TRAPPC9: variants seen among roughly 807,000 people sequenced by gnomAD.
The protein encoded by TRAPPC9 is trafficking protein particle complex subunit 9.
In TRAPPC9, 83 loss-of-function variants were observed where a neutral mutation model predicts 124.0. The observed-to-expected ratio is 0.67, with a 90% CI of 0.56 to 0.80. The LOEUF (loss-of-function observed/expected upper bound fraction) is 0.80. Ranked by LOEUF, TRAPPC9 falls within the 30% of genes least tolerant of loss-of-function variation. The pLI, the probability that TRAPPC9 is intolerant of heterozygous loss-of-function variation, is 0.00. For missense variants in TRAPPC9, 1,302 were observed against 1,508.3 expected (o/e 0.86, Z 2.27); for synonymous variants, 638 against 617.5 (o/e 1.03, Z -0.49).
chr8:140,458,569 C>A, upstream of TRAPPC9: 2 of 1,568,002 alleles, frequency 1.3e-6, no homozygotes, highest in Non-Finnish European at 1.7e-6. Flanking sequence ...CACCATGGCA[C>A]TCCCGACTTT....
intron 9 of TRAPPC9, among the ~76,000 whole-genome samples, chr8:140,344,461 G>A (rs2067279398): frequency 6.6e-6 from 1 of 152,188 alleles, no homozygotes. Flanking sequence ...CTGTCACACA[G>A]TGCTCCAAGC....
At chr8:140,101,888 T>C (rs2060587906) in intron 17 of TRAPPC9, among the ~76,000 whole-genome samples, 1 of 151,768 alleles carries the variant, frequency 6.6e-6, no homozygotes, top group African/African-American at 2.4e-5. Context: ...TTCTTTTTGG[T>C]AAATTTTGCA....
chr8:140,422,939 A>G (rs1283889530), intron 5 of TRAPPC9, among the ~76,000 whole-genome samples: 1 of 152,198 alleles, frequency 6.6e-6, no homozygotes, highest in East Asian at 1.9e-4. Context: ...ATGAGACACC[A>G]GGTCACATCC....
intron 21 of TRAPPC9, among the ~76,000 whole-genome samples, chr8:139,820,974 T>A (rs913085240): frequency 1.1e-4 from 16 of 152,224 alleles, no homozygotes; most frequent in African/African-American, 3.6e-4. Context: ...ATATACTGGA[T>A]TGCAGAAAAA....
chr8:140,324,002 G>C (rs963227429), intron 9 of TRAPPC9, among the ~76,000 whole-genome samples: 2 of 152,000 alleles, frequency 1.3e-5, no homozygotes, highest in Admixed American at 1.3e-4. Flanking sequence ...TTACCCTAGC[G>C]ATATACGCTG....
chr8:139,777,173 A>G (rs1051840142), intron 21 of TRAPPC9, among the ~76,000 whole-genome samples: 2 of 152,312 alleles, frequency 1.3e-5, no homozygotes, highest in Admixed American at 6.5e-5. Context: ...CCCCTTTCCT[A>G]TGGATTTCCA....
chr8:139,886,177 A>G (rs1830003790), intron 20 of TRAPPC9, among the ~76,000 whole-genome samples: 1 of 152,170 alleles, frequency 6.6e-6, no homozygotes, highest in Non-Finnish European at 1.5e-5. Flanking sequence ...TTGTCCTCCT[A>G]CCCCTCAAAT....
At chr8:140,049,494 T>A (rs534751783) in intron 17 of TRAPPC9, among the ~76,000 whole-genome samples, 2 of 152,052 alleles carry the variant, frequency 1.3e-5, no homozygotes, top group East Asian at 3.9e-4. Context: ...CGGCCCTCGG[T>A]GATGTGTTCT....
intron 21 of TRAPPC9, among the ~76,000 whole-genome samples, chr8:139,876,007 T>G (rs1829294438): frequency 6.6e-6 from 1 of 152,254 alleles, no homozygotes; most frequent in African/African-American, 2.4e-5. Flanking sequence ...ACTGTCCGGC[T>G]AGTGGGAGCC....
intron 17 of TRAPPC9, among the ~76,000 whole-genome samples, chr8:140,156,319 T>C (rs1028502631): frequency 6.6e-6 from 1 of 152,204 alleles, no homozygotes; most frequent in Non-Finnish European, 1.5e-5. Context: ...GTAACTTCAG[T>C]GCAATCATTT....
At chr8:140,150,376 G>C (rs1392817447) in intron 17 of TRAPPC9, among the ~76,000 whole-genome samples, 4 of 152,176 alleles carry the variant, frequency 2.6e-5, no homozygotes, top group Non-Finnish European at 4.4e-5. Context: ...TTGAACCCAG[G>C]AGGTAGAGGC....
intron 7 of TRAPPC9, among the ~76,000 whole-genome samples, chr8:140,383,715 T>G (rs1225414081): frequency 6.6e-6 from 1 of 152,050 alleles, no homozygotes; most frequent in Non-Finnish European, 1.5e-5. Flanking sequence ...ACAGGGAGAA[T>G]GGAACCAAGT....
At chr8:140,238,965 G>A (rs778431217) in intron 16 of TRAPPC9, among the ~76,000 whole-genome samples, 1 of 152,184 alleles carries the variant, frequency 6.6e-6, no homozygotes, top group Non-Finnish European at 1.5e-5. Flanking sequence ...CCAAGGCTAG[G>A]GTGGGCTGGC....
rs1251515729 is a variant in TRAPPC9 at position 139,755,607 on chromosome 8, C to T, written c.3056-23405G>A. On this transcript the variant is annotated intron_variant, in intron 21 of 22. Transcript: ENST00000438773. ...AAGGACAGCAGGTCGCAGGAGGAGC[C>T]AGGGTTGGGGTATAAGGACAGCAGG... Among the ~76,000 whole-genome samples the T allele has an allele frequency of 3.6e-4, 41 of 114,014 alleles. 2 individuals are homozygous for T. The highest frequency in any genetic ancestry group is 4.8e-4 in the African/African-American group (13 of 26,890). The allele number at this position is 114,014 out of a possible 152,430, so 74.8% of individuals were successfully genotyped here. A position where few individuals can be genotyped will look rare whatever the true frequency, so the allele number is the denominator to read the frequency against.
chr8:140,225,529 A>G (rs1280322270), intron 16 of TRAPPC9, among the ~76,000 whole-genome samples: 1 of 152,224 alleles, frequency 6.6e-6, no homozygotes, highest in East Asian at 1.9e-4. Context: ...CACCATGGAC[A>G]CAATTTATAA....
At chr8:140,336,393 A>G (rs1229046041) in intron 9 of TRAPPC9, among the ~76,000 whole-genome samples, 3 of 152,184 alleles carry the variant, frequency 2.0e-5, no homozygotes, top group African/African-American at 7.2e-5. Context: ...CAAATGAGAG[A>G]CAGCTGATGT....
intron 21 of TRAPPC9, among the ~76,000 whole-genome samples, chr8:139,791,061 C>T (rs1822624324): frequency 6.6e-6 from 1 of 152,152 alleles, no homozygotes; most frequent in Non-Finnish European, 1.5e-5. Context: ...CCAATTCACC[C>T]TCCTTTCTTT....
chr8:140,433,854 C>G (rs779308328), intron 4 of TRAPPC9, among the ~76,000 whole-genome samples: 3 of 152,174 alleles, frequency 2.0e-5, no homozygotes, highest in Non-Finnish European at 4.4e-5. Context: ...CCTAACTTTC[C>G]ATGACTAAGT....
At chr8:140,404,794 ATGTG>A (rs897905431) in intron 6 of TRAPPC9, among the ~76,000 whole-genome samples, 4 of 147,416 alleles carry the variant, frequency 2.7e-5, no homozygotes, top group East Asian at 2.0e-4. Context: ...GCTTGTATGT[ATGTG>A]TGTGTGAACA....
Sources: gnomAD v4.1 joint callset for allele counts (sites outside exome capture counted in the v4.1 genomes callset) on GRCh38, gnomAD v4.1.1 for gene constraint, MANE v1.5 for transcripts, NCBI Gene and HGNC (gene_info 2026-07-23, HGNC 2026-07-21) for gene names.